The following PTF1A variants were observed in gnomAD, a reference collection of about 807,000 sequenced individuals.
PTF1A encodes pancreas associated transcription factor 1a, also known as pancreas transcription factor 1 subunit alpha.
Under a neutral mutation model 22.6 loss-of-function variants are expected in PTF1A, and 18 were observed. The observed-to-expected ratio is 0.80, with a 90% confidence interval of 0.55 to 1.18. The LOEUF (loss-of-function observed/expected upper bound fraction) is 1.18, where lower values mean the gene tolerates loss of function less well. Among genes scored for constraint, PTF1A ranks in the 50% most tolerant of loss-of-function variants. The probability of loss-of-function intolerance (pLI) is 0.00; values close to 1 mark genes in which losing one functional copy is unlikely to be tolerated. For synonymous variants in PTF1A, 259 were observed against 227.9 expected (o/e 1.14, Z -1.23); for missense variants, 477 against 473.0 (o/e 1.01, Z -0.08).
At position 23,193,744 on chromosome 10, in the gene PTF1A, C is replaced by G; in HGVS notation, c.825C>G (p.Pro275=). The G allele has an allele frequency of 1.9e-6, 3 of 1,613,740 alleles. No individual in the cohort carries two copies. Among genetic ancestry groups the G allele is most frequent in the African/African-American group, 2.7e-5 (2 of 75,028 alleles). ...SPSDPDYGLP[P]LAGHSLSWTD... ...GCGACCCTGATTATGGCCTCCCTCC[C>G]CTAGCAGGACACTCTCTCTCATGGA... The change falls in exon 2 of 2, where the codon CCC becomes CCG. Residue 275 remains proline, a synonymous_variant. Transcript: ENST00000376504.
rs1840913860 is a variant in PTF1A at position 23,193,050 on chromosome 10, C to T, written c.520C>T (p.Arg174Trp). 4 of 1,329,442 alleles carry T rather than the reference C, an allele frequency of 3.0e-6. No homozygotes were observed. The highest frequency in any genetic ancestry group is 3.4e-5 in the South Asian group (2 of 59,256). The allele number at this position is 1,329,442 out of a possible 1,614,324, so 82.4% of individuals were successfully genotyped here. The change falls in exon 1 of 2, where the codon CGG (arginine) becomes TGG (tryptophan). Residue 174 changes from arginine to tryptophan, a missense_variant. By Grantham distance (101) the Arg-to-Trp change is moderately radical. Coordinates refer to ENST00000376504, the MANE Select transcript of PTF1A (RefSeq NM_178161.3). Reference sequence around the variant, plus strand: ...GCAGGCGGCCAACGTGCGCGAGCGGCGGCGCATGCAGTCCATCAACGACGC... The same window carrying T: ...GCAGGCGGCCAACGTGCGCGAGCGGTGGCGCATGCAGTCCATCAACGACGC... ...LRQAANVRER[R>W]RMQSINDAFE... is the part of the protein sequence containing the mutation.
chr10:23,193,360 C>G, intron 1 of PTF1A, 46 bp downstream of exon 1: 5 of 1,415,776 alleles, frequency 3.5e-6, no homozygotes, highest in Non-Finnish European at 4.6e-6. Context: ...GTCGGGCACT[C>G]GAAGGCTCCG....
chr10:23,192,912 G>C lies in PTF1A; in HGVS notation c.382G>C (p.Gly128Arg). 7.9e-7 allele frequency: 1 copy of C among 1,262,276 alleles called. No homozygotes were observed. Among genetic ancestry groups the C allele is most frequent in the South Asian group, 2.7e-5 (1 of 36,870 alleles). 78.2% of individuals were successfully genotyped at this position (1,262,276 alleles called of 1,614,324 possible). A position where few individuals can be genotyped will look rare whatever the true frequency, so the allele number is the denominator to read the frequency against. ...PPSCLAYPCA[G>R]AAVLSPGARL... ...CTCGTGCCTGGCCTACCCGTGCGCC[G>C]GGGCGGCAGTACTGTCTCCCGGGGC... Residue 128 changes from glycine (G) to arginine (R), a missense_variant, in exon 1 of 2, where the codon GGG (glycine) becomes CGG (arginine). By Grantham distance (125) the Gly-to-Arg change is moderately radical. Transcript: ENST00000376504.
At position 23,192,390 on chromosome 10, in the gene PTF1A, G is replaced by C. The variant is rs1840897849; in HGVS notation, c.-141G>C. The C allele has an allele frequency of 8.4e-7, 1 of 1,185,974 alleles. No individual in the cohort carries two copies. The highest frequency in any genetic ancestry group is 1.5e-5 in the South Asian group (1 of 65,298). The allele number at this position is 1,185,974 out of a possible 1,614,324, so 73.5% of individuals were successfully genotyped here. A position where few individuals can be genotyped will look rare whatever the true frequency, so the allele number is the denominator to read the frequency against. On this transcript the variant is annotated 5_prime_UTR_variant, in exon 1 of 2. Transcript: ENST00000376504. ...CAGCGGCCGCGGGCACTCCAGGGAG[G>C]CCCGGGGGCGGGCAGCCCGGCGGCC...
At position 23,192,546 on chromosome 10, in the gene PTF1A, C is replaced by T. The variant is rs1454422143; in HGVS notation, c.16C>T (p.Leu6=). The T allele has an allele frequency of 1.3e-6, 2 of 1,592,172 alleles. No homozygotes were observed. The highest frequency in any genetic ancestry group is 2.4e-5 in the East Asian group (1 of 41,728). The part of the protein sequence containing the change: MDAVL[L]EHFPGGLDAF... ...GGCGGCGAGCATGGACGCGGTGTTG[C>T]TGGAGCACTTCCCCGGGGGCCTAGA... Residue 6 remains leucine (L), a synonymous_variant, in exon 1 of 2, where the codon CTG becomes TTG. Coordinates refer to ENST00000376504, the MANE Select transcript of PTF1A (RefSeq NM_178161.3).
chr10:23,193,356 C>A, intron 1 of PTF1A, 42 bp downstream of exon 1: 1 of 1,410,866 alleles, frequency 7.1e-7, no homozygotes, highest in Non-Finnish European at 9.1e-7. Context: ...AGGGGTCGGG[C>A]ACTCGAAGGC....
Position 23,192,932 on chromosome 10 carries a change from C to T in PTF1A, c.402C>T (p.Pro134=). 3.4e-6 allele frequency: 4 copies of T among 1,192,788 alleles called. No individual in the cohort carries two copies. The highest frequency in any genetic ancestry group is 4.2e-6 in the Non-Finnish European group (4 of 963,718). 73.9% of individuals were successfully genotyped at this position (1,192,788 alleles called of 1,614,324 possible). A position where few individuals can be genotyped will look rare whatever the true frequency, so the allele number is the denominator to read the frequency against. Reference sequence around the variant, plus strand: ...GCGCCGGGGCGGCAGTACTGTCTCCCGGGGCGCGGCTGCGCGGCCTGAGCG... The same window carrying T: ...GCGCCGGGGCGGCAGTACTGTCTCCTGGGGCGCGGCTGCGCGGCCTGAGCG... ...YPCAGAAVLS[P]GARLRGLSGA... Residue 134 remains proline, a synonymous_variant, in exon 1 of 2, where the codon CCC becomes CCT. Transcript: ENST00000376504.
In PTF1A at chr10:23,192,987, C is replaced by G; in HGVS notation, c.457C>G (p.Arg153Gly). 1.8e-6 allele frequency: 2 copies of G among 1,135,256 alleles called. No individual in the cohort carries two copies. The highest frequency in any genetic ancestry group is 2.2e-6 in the Non-Finnish European group (2 of 928,918). The allele number at this position is 1,135,256 out of a possible 1,614,324, so 70.3% of individuals were successfully genotyped here. A position where few individuals can be genotyped will look rare whatever the true frequency, so the allele number is the denominator to read the frequency against. The part of the protein sequence containing the change: ...GAAAAAARRR[R>G]RVRSEAELQQ... Reference sequence around the variant, plus strand: ...GGCGGCTGCGGCGGCGCGGCGCCGGCGGCGGGTGCGCTCCGAGGCGGAGCT... The same window carrying G: ...GGCGGCTGCGGCGGCGCGGCGCCGGGGGCGGGTGCGCTCCGAGGCGGAGCT... Residue 153 changes from arginine to glycine, a missense_variant, in exon 1 of 2, where the codon CGG becomes GGG. Physicochemically the swap from Arg to Gly is moderately radical, Grantham distance 125. Coordinates refer to ENST00000376504, the MANE Select transcript of PTF1A (RefSeq NM_178161.3).
At position 23,192,756 on chromosome 10, in the gene PTF1A, G is replaced by T; in HGVS notation, c.226G>T (p.Ala76Ser). 1 of 1,429,002 alleles carries T rather than the reference G, an allele frequency of 7.0e-7. No homozygotes were observed. Among genetic ancestry groups the T allele is most frequent in the African/African-American group, 1.5e-5 (1 of 68,332 alleles). The allele number at this position is 1,429,002 out of a possible 1,614,324, so 88.5% of individuals were successfully genotyped here. The change falls in exon 1 of 2, where the codon GCC (alanine) becomes TCC (serine). Residue 76 changes from alanine (A) to serine (S), a missense_variant. Ala to Ser is a moderately conservative substitution (Grantham distance 99). Transcript: ENST00000376504. ...CCTGCTGCTGCAGCCCGCGCCCCCG[G>T]CCGCCCCGCTAGCGCTCGCCCCGCC... ...ACLLLQPAPP[A>S]APLALAPPSS...
rs1350475250 is a variant in PTF1A, at chr10:23,194,143, ACT to A, written c.*240_*241del. On this transcript the variant is annotated 3_prime_UTR_variant, in exon 2 of 2. Coordinates refer to ENST00000376504, the MANE Select transcript of PTF1A (RefSeq NM_178161.3). ...ATGCAATAGCCTATGATTTTCCTGA[ACT>A]CTGTGTTGTTGGGAGAACTCTGGCC... 2.2e-6 allele frequency: 1 copy of A among 461,442 alleles called. No homozygotes were observed. The highest frequency in any genetic ancestry group is 3.8e-6 in the Non-Finnish European group (1 of 260,962). The allele number at this position is 461,442 out of a possible 1,614,324, so 28.6% of individuals were successfully genotyped here. A position where few individuals can be genotyped will look rare whatever the true frequency, so the allele number is the denominator to read the frequency against.
Position 23,193,487 on chromosome 10 carries a change from C to G in PTF1A, c.784+173C>G, listed in dbSNP as rs1356310141. The G allele has an allele frequency of 5.3e-6, 3 of 566,094 alleles. No individual in the cohort carries two copies. In the African/African-American group the frequency reaches 6.7e-5, roughly 13 times the overall value. The allele number at this position is 566,094 out of a possible 1,614,324, so 35.1% of individuals were successfully genotyped here. A position where few individuals can be genotyped will look rare whatever the true frequency, so the allele number is the denominator to read the frequency against. On this transcript the variant is annotated intron_variant, in intron 1 of 1. Transcript: ENST00000376504. ...CGTTTTTTTTTTTTTTTTTATTTTT[C>G]TGCCACGTTGACCGCGGCTCTCAAG...
chr10:23,193,227 TGCGGGGGGCCGGGCGGCG>T lies in PTF1A; in HGVS notation c.703_720del (p.Gly235_Gly240del), dbSNP rs953597943. The T allele has an allele frequency of 3.2e-5, 41 of 1,301,184 alleles. No homozygotes were observed. The Admixed American group carries it at 8.8e-4, about 28-fold the overall frequency. The allele number at this position is 1,301,184 out of a possible 1,614,324, so 80.6% of individuals were successfully genotyped here. A position where few individuals can be genotyped will look rare whatever the true frequency, so the allele number is the denominator to read the frequency against. ...CTTGCGCGGCGGTGGCGCGGGCGGC[TGCGGGGGGCCGGGCGGCG>T]GCGGGCGCCTGGGCGGGGACAGCCC... On this transcript the variant is annotated inframe_deletion, in exon 1 of 2. Transcript: ENST00000376504.
Position 23,194,091 on chromosome 10 carries a change from T to C in PTF1A, c.*185T>C. 1 of 568,176 alleles carries C rather than the reference T, an allele frequency of 1.8e-6. No individual in the cohort carries two copies. The allele number at this position is 568,176 out of a possible 1,614,324, so 35.2% of individuals were successfully genotyped here. ...GATTTCTTTTTAAATATATAATTTA[T>C]ATAACTTATCCTGATTTTCTGAAAA... On this transcript the variant is annotated 3_prime_UTR_variant, in exon 2 of 2. Transcript: ENST00000376504.
chr10:23,192,692 C>A lies in PTF1A; in HGVS notation c.162C>A (p.Ser54Arg). 2.5e-6 allele frequency: 4 copies of A among 1,588,036 alleles called. No individual in the cohort carries two copies. Among genetic ancestry groups the A allele is most frequent in the Non-Finnish European group, 3.4e-6 (4 of 1,170,292 alleles). The change falls in exon 1 of 2, where the codon AGC (serine) becomes AGA (arginine). Residue 54 changes from serine (S) to arginine (R), a missense_variant. Ser to Arg is a moderately radical substitution (Grantham distance 110). Coordinates refer to ENST00000376504, the MANE Select transcript of PTF1A (RefSeq NM_178161.3). ...ADEQAEVEFL[S>R]HQLHEYCYRD... ...AGCAGGCCGAGGTGGAGTTCCTTAG[C>A]CACCAGCTCCACGAGTACTGCTACC...
At position 23,193,069 on chromosome 10, in the gene PTF1A, A is replaced by G. The variant is rs1398688349; in HGVS notation, c.539A>G (p.Asn180Ser). The part of the protein sequence containing the change: ...VRERRRMQSI[N>S]DAFEGLRSHI... ...GAGCGGCGGCGCATGCAGTCCATCA[A>G]CGACGCCTTCGAGGGGCTGCGCTCG... Residue 180 changes from asparagine to serine, a missense_variant, in exon 1 of 2, where the codon AAC becomes AGC. Physicochemically the swap from Asn to Ser is conservative, Grantham distance 46 (BLOSUM62 1). Coordinates refer to ENST00000376504, the MANE Select transcript of PTF1A (RefSeq NM_178161.3). The G allele has an allele frequency of 7.2e-7, 1 of 1,397,306 alleles. No individual in the cohort carries two copies. Among genetic ancestry groups the G allele is most frequent in the Non-Finnish European group, 9.4e-7 (1 of 1,065,136 alleles). The allele number at this position is 1,397,306 out of a possible 1,614,324, so 86.6% of individuals were successfully genotyped here.
Position 23,193,229 on chromosome 10 carries a change from CG to C in PTF1A, c.705del (p.Pro236ArgfsTer41), listed in dbSNP as rs886039746. 10 of 1,295,480 alleles carry C rather than the reference CG, an allele frequency of 7.7e-6. No homozygotes were observed. Among genetic ancestry groups the C allele is most frequent in the Non-Finnish European group, 8.8e-6 (9 of 1,021,478 alleles). 80.2% of individuals were successfully genotyped at this position (1,295,480 alleles called of 1,614,324 possible). On this transcript the variant is annotated frameshift_variant, in exon 1 of 2. Transcript: ENST00000376504. LOFTEE classifies it high-confidence loss of function. ...TGCGCGGCGGTGGCGCGGGCGGCTGCGGGGGGCCGGGCGGCGGCGGGCGCCT... is the reference window on the plus strand; with the variant it reads ...TGCGCGGCGGTGGCGCGGGCGGCTGCGGGGGCCGGGCGGCGGCGGGCGCCT... The part of the protein sequence containing the change: ...PLRGGGAGGC[G>X]GPGGGGRLGG...
Position 23,193,004 on chromosome 10 carries a change from G to A in PTF1A, c.474G>A (p.Glu158=). 1 of 1,233,710 alleles carries A rather than the reference G, an allele frequency of 8.1e-7. No individual in the cohort carries two copies. Among genetic ancestry groups the A allele is most frequent in the Non-Finnish European group, 1.0e-6 (1 of 973,724 alleles). 76.4% of individuals were successfully genotyped at this position (1,233,710 alleles called of 1,614,324 possible). Reference sequence around the variant, plus strand: ...GGCGCCGGCGGCGGGTGCGCTCCGAGGCGGAGCTGCAGCAGCTGCGGCAGG... The same window carrying A: ...GGCGCCGGCGGCGGGTGCGCTCCGAAGCGGAGCTGCAGCAGCTGCGGCAGG... ...AARRRRRVRS[E]AELQQLRQAA... Residue 158 remains glutamate (E), a synonymous_variant, in exon 1 of 2, where the codon GAG becomes GAA. Transcript: ENST00000376504.
In PTF1A at chr10:23,194,204, G is replaced by T; in HGVS notation, c.*298G>T. On this transcript the variant is annotated 3_prime_UTR_variant, in exon 2 of 2. Coordinates refer to ENST00000376504, the MANE Select transcript of PTF1A (RefSeq NM_178161.3). Reference sequence around the variant, plus strand: ...TCCTGCTTATTTATTGCCAGATATGGTTTATTTCTAAGCGTTGTCAATAAA... The same window carrying T: ...TCCTGCTTATTTATTGCCAGATATGTTTTATTTCTAAGCGTTGTCAATAAA... 3.1e-6 allele frequency: 1 copy of T among 318,748 alleles called. No homozygotes were observed. The highest frequency in any genetic ancestry group is 5.7e-6 in the Non-Finnish European group (1 of 173,998). 19.7% of individuals were successfully genotyped at this position (318,748 alleles called of 1,614,324 possible).
Position 23,192,854 on chromosome 10 carries a change from A to G in PTF1A, c.324A>G (p.Pro108=). ...GGYCCETGAP[P]GGFPYSPGSP... is the part of the protein sequence containing the mutation. ...ACTGCTGCGAGACGGGGGCGCCCCC[A>G]GGCGGCTTCCCCTACTCGCCCGGCT... The change falls in exon 1 of 2, where the codon CCA becomes CCG. Residue 108 remains proline (P), a synonymous_variant. Coordinates refer to ENST00000376504, the MANE Select transcript of PTF1A (RefSeq NM_178161.3). 3 of 1,320,204 alleles carry G rather than the reference A, an allele frequency of 2.3e-6. No individual in the cohort carries two copies. Among genetic ancestry groups the G allele is most frequent in the South Asian group, 2.2e-5 (1 of 45,312 alleles). 81.8% of individuals were successfully genotyped at this position (1,320,204 alleles called of 1,614,324 possible).
Sources: gnomAD v4.1 joint callset for allele counts on GRCh38, gnomAD v4.1.1 for gene constraint, MANE v1.5 for transcripts, NCBI Gene and HGNC (gene_info 2026-07-23, HGNC 2026-07-21) for gene names.